The following TEX15 variants were observed in gnomAD, a reference collection of about 807,000 sequenced individuals.
TEX15 encodes the protein testis-expressed protein 15.
In TEX15, 171 loss-of-function variants were observed where a neutral mutation model predicts 237.3. That is an observed-to-expected ratio of 0.72 (90% CI 0.64 to 0.82). TEX15 has a LOEUF of 0.82. Among genes scored for constraint, TEX15 ranks in the 40% least tolerant of loss-of-function variants. The pLI is 0.00. For synonymous variants in TEX15, 1,338 were observed against 1,269.8 expected, an observed-to-expected ratio of 1.05 and a Z score of -1.14; for missense variants, 3,750 against 3,646.5, an observed-to-expected ratio of 1.03 and a Z score of -0.73.
At chr8:30,871,172 T>A (rs1251302438) in intron 4 of TEX15, among the ~76,000 whole-genome samples, 1 of 152,044 alleles carries the variant, frequency 6.6e-6, no homozygotes, top group East Asian at 1.9e-4. Context: ...AGATAATCAC[T>A]CATCTCCAGG....
intron 1 of TEX15, among the ~76,000 whole-genome samples, chr8:30,909,047 G>T (rs1011297131): frequency 1.3e-5 from 2 of 152,014 alleles, no homozygotes; most frequent in Non-Finnish European, 2.9e-5. Context: ...ACACATAAAA[G>T]AAATGAAGTT....
intron 5 of TEX15, among the ~76,000 whole-genome samples, chr8:30,864,839 C>T (rs896912303): frequency 5.9e-5 from 9 of 151,836 alleles, no homozygotes; most frequent in African/African-American, 1.9e-4. Context: ...ATCAAAAATT[C>T]AAAATGTGGG....
chr8:30,862,269 A>T (rs1808066796), intron 5 of TEX15, among the ~76,000 whole-genome samples: 2 of 152,316 alleles, frequency 1.3e-5, no homozygotes, highest in African/African-American at 4.8e-5. Context: ...TAAAAACCAA[A>T]TAACTTATAT....
intron 3 of TEX15, among the ~76,000 whole-genome samples, chr8:30,880,510 T>C (rs914197202): frequency 2.0e-5 from 3 of 152,208 alleles, no homozygotes; most frequent in African/African-American, 7.2e-5. Flanking sequence ...TCCTCTTCCT[T>C]AGCCTACTCA....
At chr8:30,900,073 CA>C (rs1563278235) in intron 1 of TEX15, among the ~76,000 whole-genome samples, 1 of 151,698 alleles carries the variant, frequency 6.6e-6, no homozygotes, top group Admixed American at 6.6e-5. Flanking sequence ...GTTAAGCATC[CA>C]AAAAAAGGTC....
In TEX15 at chr8:30,845,267, C is replaced by T. The variant is rs1240095029; in HGVS notation, c.4900G>A (p.Asp1634Asn). The T allele has an allele frequency of 4.3e-6, 7 of 1,613,258 alleles. No homozygotes were observed. In the African/African-American group the frequency reaches 5.3e-5, roughly 12 times the overall value. Residue 1634 changes from aspartate (D) to asparagine (N), a missense_variant, in exon 8 of 11, where the codon GAT becomes AAT. Coordinates refer to ENST00000643185, the MANE Select transcript of TEX15 (RefSeq NM_001350162.2). ...KENINSSTGNDCDATCIGHTK... is the reference protein window; with the variant it reads ...KENINSSTGNNCDATCIGHTK... ...TGACCTATGCAAGTTGCATCACAAT[C>T]GTTGCCTGTACTAGAATTTATGTTT...
intron 2 of TEX15, among the ~76,000 whole-genome samples, chr8:30,895,289 C>T (rs894232034): frequency 1.7e-5 from 2 of 117,418 alleles, no homozygotes; most frequent in African/African-American, 7.9e-5. Context: ...CAAAGCGAGA[C>T]TCCATCTCAA....
chr8:30,904,748 T>C (rs551364476), intron 1 of TEX15, among the ~76,000 whole-genome samples: 1 of 152,308 alleles, frequency 6.6e-6, no homozygotes, highest in East Asian at 1.9e-4. Flanking sequence ...AAACTATCTT[T>C]CTGTGTTAAT....
At chr8:30,858,603 A>C (rs924001733) in intron 7 of TEX15, 65 bp downstream of exon 7, 1 of 1,363,426 alleles carries the variant, frequency 7.3e-7, no homozygotes, top group South Asian at 1.5e-5. Context: ...CAGCCAGTAA[A>C]TAATACTGAG....
chr8:30,888,451 A>G (rs1209398535), intron 2 of TEX15, among the ~76,000 whole-genome samples: 1 of 152,120 alleles, frequency 6.6e-6, no homozygotes, highest in Non-Finnish European at 1.5e-5. Flanking sequence ...TACCAGAAGT[A>G]TCAAAAATAT....
rs762429234 is a variant in TEX15 at position 30,844,501 on chromosome 8, A to G, written c.5666T>C (p.Ile1889Thr). Reference sequence around the variant, plus strand: ...GGAATCAATCAAGTTAGTTGTAATAATTTTCTCATTTAAGCAGGATTCTTC... The same window carrying G: ...GGAATCAATCAAGTTAGTTGTAATAGTTTTCTCATTTAAGCAGGATTCTTC... ...ISEESCLNEK[I>T]ITTNLIDSHL... is the part of the protein sequence containing the mutation. The change falls in exon 8 of 11, where the codon ATT becomes ACT. Residue 1889 changes from isoleucine to threonine, a missense_variant. Physicochemically the swap from Ile to Thr is moderately conservative, Grantham distance 89. Transcript: ENST00000643185. 6.2e-7 allele frequency: 1 copy of G among 1,612,898 alleles called. No homozygotes were observed.
At chr8:30,863,234 C>T (rs920292402) in intron 5 of TEX15, among the ~76,000 whole-genome samples, 1 of 152,134 alleles carries the variant, frequency 6.6e-6, no homozygotes, top group Non-Finnish European at 1.5e-5. Context: ...ATTAGTATTT[C>T]CTTTGAGTGT....
intron 8 of TEX15, among the ~76,000 whole-genome samples, chr8:30,841,279 A>G (rs148886060): frequency 6.4e-4 from 98 of 152,212 alleles, no homozygotes; most frequent in South Asian, 1.0e-3. Context: ...TGTAAGAGAA[A>G]CCTCTTAGAG....
At chr8:30,884,597 T>C (rs1418871138) in intron 3 of TEX15, among the ~76,000 whole-genome samples, 2 of 152,236 alleles carry the variant, frequency 1.3e-5, no homozygotes, top group African/African-American at 2.4e-5. Flanking sequence ...GTACATTTCA[T>C]CTAGGTCACC....
chr8:30,903,249 A>C (rs1192433552), intron 1 of TEX15, among the ~76,000 whole-genome samples: 2 of 152,238 alleles, frequency 1.3e-5, no homozygotes, highest in African/African-American at 4.8e-5. Context: ...TTATATAGTC[A>C]AATGAGAGCA....
Position 30,832,122 on chromosome 8 carries a change from G to A in TEX15, c.*1164C>T, listed in dbSNP as rs1807190735. On this transcript the variant is annotated 3_prime_UTR_variant, in exon 11 of 11. Transcript: ENST00000643185. ...AAGTGAGTATAAAGAGGCTTATCCT[G>A]GGGATTCTCACTGTCTTTCTAAATT... 1 of 152,168 alleles carries A rather than the reference G, an allele frequency of 6.6e-6. No homozygotes were observed. The highest frequency in any genetic ancestry group is 1.9e-4 in the East Asian group (1 of 5,196). 9.4% of individuals were successfully genotyped at this position (152,168 alleles called of 1,614,324 possible).
At chr8:30,905,028 G>T (rs985788964) in intron 1 of TEX15, among the ~76,000 whole-genome samples, 2 of 152,070 alleles carry the variant, frequency 1.3e-5, no homozygotes, top group Non-Finnish European at 2.9e-5. Context: ...AAATGTGGGG[G>T]TAACAAAGCT....
chr8:30,862,436 A>G (rs567527808), intron 5 of TEX15, among the ~76,000 whole-genome samples: 1 of 152,216 alleles, frequency 6.6e-6, no homozygotes, highest in African/African-American at 2.4e-5. Flanking sequence ...GCAACAACAT[A>G]CTTTAATTAC....
chr8:30,907,555 T>C (rs1470188990), intron 1 of TEX15, among the ~76,000 whole-genome samples: 1 of 139,630 alleles, frequency 7.2e-6, no homozygotes, highest in East Asian at 2.0e-4. Flanking sequence ...ATATACAAAA[T>C]TTATATATAA....
Sources: gnomAD v4.1 joint callset for allele counts (sites outside exome capture counted in the v4.1 genomes callset) on GRCh38, gnomAD v4.1.1 for gene constraint, MANE v1.5 for transcripts, NCBI Gene and HGNC (gene_info 2026-07-23, HGNC 2026-07-21) for gene names.